PPP1R36: variants seen among roughly 807,000 people sequenced by gnomAD.
The protein encoded by PPP1R36 is protein phosphatase 1 regulatory subunit 36, also known as chromosome 14 open reading frame 50.
Under a neutral mutation model 53.4 loss-of-function variants are expected in PPP1R36, and 47 were observed. The observed-to-expected ratio is 0.88, with a 90% CI of 0.70 to 1.12. The LOEUF (loss-of-function observed/expected upper bound fraction) is 1.12, where lower values mean the gene tolerates loss of function less well. Among genes scored for constraint, PPP1R36 ranks in the 50% most tolerant of loss-of-function variants. The probability of loss-of-function intolerance (pLI) is 0.00; values close to 1 mark genes in which losing one functional copy is unlikely to be tolerated. For missense variants in PPP1R36, 456 were observed against 513.9 expected (o/e 0.89, Z 1.09); for synonymous variants, 153 against 170.5 (o/e 0.90, Z 0.80).
chr14:64,563,964 C>G (rs1395321859), intron 3 of PPP1R36, among the ~76,000 whole-genome samples: 1 of 152,228 alleles, frequency 6.6e-6, no homozygotes, highest in Non-Finnish European at 1.5e-5. Flanking sequence ...TCTCGAGAGT[C>G]TGTTCAATGG....
rs146977868 is a variant in PPP1R36 at position 64,588,697 on chromosome 14, A to C, written c.1082+402A>C. 1,449 of 181,224 alleles carry C rather than the reference A, an allele frequency of 8.0e-3. 20 individuals are homozygous for C. Among genetic ancestry groups the C allele is most frequent in the African/African-American group, 0.032 (1,335 of 42,060 alleles). The allele number at this position is 181,224 out of a possible 1,614,324, so 11.2% of individuals were successfully genotyped here. A position where few individuals can be genotyped will look rare whatever the true frequency, so the allele number is the denominator to read the frequency against. On this transcript the variant is annotated intron_variant, in intron 11 of 11. Coordinates refer to ENST00000298705, the MANE Select transcript of PPP1R36 (RefSeq NM_172365.3). ...TGCCTCAGCCTCCTGAGTAGCTGGG[A>C]TTATAGGCATGAGCCACCACGCCCG...
intron 7 of PPP1R36, among the ~76,000 whole-genome samples, chr14:64,573,031 C>G (rs1423475089): frequency 6.6e-6 from 1 of 152,138 alleles, no homozygotes. Flanking sequence ...TTGCTGACTT[C>G]ATGGAGTCAG....
intron 3 of PPP1R36, among the ~76,000 whole-genome samples, chr14:64,563,568 C>G (rs1237259585): frequency 1.3e-5 from 2 of 152,016 alleles, no homozygotes; most frequent in Non-Finnish European, 2.9e-5. Context: ...TATTGCCAGG[C>G]AGTTGGAGAA....
At chr14:64,575,566 C>G (rs2080335185) in intron 8 of PPP1R36, among the ~76,000 whole-genome samples, 1 of 151,692 alleles carries the variant, frequency 6.6e-6, no homozygotes, top group Non-Finnish European at 1.5e-5. Flanking sequence ...GCTTATTTTC[C>G]ACAGTATATT....
At chr14:64,578,136 T>C (rs559761958) in intron 8 of PPP1R36, among the ~76,000 whole-genome samples, 1 of 151,780 alleles carries the variant, frequency 6.6e-6, no homozygotes, top group Non-Finnish European at 1.5e-5. Flanking sequence ...TTGTATTTAG[T>C]AGAGATGGGG....
At chr14:64,551,052 A>C in intron 2 of PPP1R36, 67 bp downstream of exon 2, 1 of 1,056,144 alleles carries the variant, frequency 9.5e-7, no homozygotes, top group South Asian at 1.4e-5. Flanking sequence ...AAAAAAAAGC[A>C]ACAGAAGAGT....
chr14:64,555,077 A>G (rs772618762), intron 3 of PPP1R36, among the ~76,000 whole-genome samples: 5 of 152,254 alleles, frequency 3.3e-5, no homozygotes, highest in African/African-American at 4.8e-5. Context: ...TTGTTTGCCT[A>G]GAGAATACTC....
chr14:64,565,645 A>G lies in PPP1R36; in HGVS notation c.387A>G (p.Leu129=). 6.2e-7 allele frequency: 1 copy of G among 1,613,872 alleles called. No individual in the cohort carries two copies. Among genetic ancestry groups the G allele is most frequent in the Non-Finnish European group, 8.5e-7 (1 of 1,179,766 alleles). The change falls in exon 6 of 12, where the codon CTA becomes CTG. Residue 129 remains leucine, a synonymous_variant. Transcript: ENST00000298705. ...TTTCAGTTGTTACTTTGCTTTTGCT[A>G]CAAGATACTGAGATGCAGCGGATCT... ...DDVKFVTLLL[L]QDTEMQRICS...
At chr14:64,550,420 G>C in intron 1 of PPP1R36, 1 of 483,670 alleles carries the variant, frequency 2.1e-6, no homozygotes, top group Non-Finnish European at 3.0e-6. Context: ...CGGTGAAAAG[G>C]GTGTACTTAA....
chr14:64,586,497 T>C (rs953128717), intron 8 of PPP1R36: 18 of 205,144 alleles, frequency 8.8e-5, no homozygotes, highest in Admixed American at 8.2e-4. Flanking sequence ...ACTTACCCTC[T>C]AGTTCTCTGC....
chr14:64,561,540 G>A (rs762148142), intron 3 of PPP1R36, among the ~76,000 whole-genome samples: 9 of 152,168 alleles, frequency 5.9e-5, no homozygotes, highest in Non-Finnish European at 8.8e-5. Context: ...CTCTGCCCCT[G>A]ACTAGATGGT....
At chr14:64,550,384 G>T (rs532419108) in intron 1 of PPP1R36, 2 of 829,492 alleles carry the variant, frequency 2.4e-6, no homozygotes, top group South Asian at 5.7e-5. Context: ...GCTCTGGATA[G>T]AAAGGCTGGT....
chr14:64,582,732 G>A (rs1227697013), intron 8 of PPP1R36, among the ~76,000 whole-genome samples: 4 of 152,026 alleles, frequency 2.6e-5, no homozygotes, highest in African/African-American at 9.7e-5. Flanking sequence ...AGCTTCACTT[G>A]TTTCTCTTCA....
chr14:64,566,261 C>A (rs943884420), intron 6 of PPP1R36, among the ~76,000 whole-genome samples: 1 of 151,674 alleles, frequency 6.6e-6, no homozygotes, highest in Non-Finnish European at 1.5e-5. Context: ...GAGCAAGACT[C>A]TCTCAGACCA....
chr14:64,557,120 C>A (rs1326488998), intron 3 of PPP1R36, among the ~76,000 whole-genome samples: 5 of 152,018 alleles, frequency 3.3e-5, no homozygotes, highest in African/African-American at 1.2e-4. Flanking sequence ...GTGTGAGCCA[C>A]CATGCCTGGC....
chr14:64,560,103 C>CAAAAAAAAAAAAACAAA (rs2080193792), intron 3 of PPP1R36, among the ~76,000 whole-genome samples: 1 of 27,446 alleles, frequency 3.6e-5, no homozygotes, highest in Non-Finnish European at 7.3e-5. Context: ...GAATCTGTCA[C>CAAAAAAAAAAAAACAAA]AAAAAAAAAA....
At position 64,565,344 on chromosome 14, in the gene PPP1R36, T is replaced by C; in HGVS notation, c.270-13T>C. 3.1e-6 allele frequency: 5 copies of C among 1,590,420 alleles called. No homozygotes were observed. Among genetic ancestry groups the C allele is most frequent in the Non-Finnish European group, 4.3e-6 (5 of 1,161,770 alleles). The stretch of plus-strand genomic sequence containing the variant: ...ATTAAAACACTACTAGAAACTGTTA[T>C]ATTCCAAAACAGGTTGACAGATAAA... On this transcript the variant is annotated splice_polypyrimidine_tract_variant and intron_variant, in intron 4 of 11. Transcript: ENST00000298705.
intron 1 of PPP1R36, chr14:64,550,390 C>CTGG (rs1362113276): frequency 1.5e-5 from 11 of 724,948 alleles, no homozygotes; most frequent in Non-Finnish European, 2.0e-5. Flanking sequence ...GATAGAAAGG[C>CTGG]TGGTGGGTGC....
intron 7 of PPP1R36, among the ~76,000 whole-genome samples, chr14:64,569,456 T>A (rs1234845451): frequency 1.3e-5 from 2 of 152,192 alleles, no homozygotes; most frequent in Non-Finnish European, 2.9e-5. Flanking sequence ...ATAAATAATT[T>A]AAAAACTCTT....
Sources: gnomAD v4.1 joint callset for allele counts (sites outside exome capture counted in the v4.1 genomes callset) on GRCh38, gnomAD v4.1.1 for gene constraint, MANE v1.5 for transcripts, NCBI Gene and HGNC (gene_info 2026-07-23, HGNC 2026-07-21) for gene names.